Variants in ESR1 observed in about 807,000 individuals in gnomAD.
ESR1 encodes estrogen receptor 1, also known as estrogen receptor.
Under a neutral mutation model 52.7 loss-of-function variants are expected in ESR1, and 12 were observed. The observed-to-expected ratio is 0.23, with a 90% CI of 0.15 to 0.37. The LOEUF (loss-of-function observed/expected upper bound fraction) is 0.37. ESR1 is among the 10% of genes least tolerant of loss of function. ESR1 has a pLI of 1.00. For synonymous variants in ESR1, 305 were observed against 316.8 expected, an observed-to-expected ratio of 0.96 and a Z score of 0.39; for missense variants, 584 against 779.7, an observed-to-expected ratio of 0.75 and a Z score of 2.99.
At chr6:152,113,374 TGGGGCGG>T (rs1260896335) in intron 6 of ESR1, among the ~76,000 whole-genome samples, 2 of 152,142 alleles carry the variant, frequency 1.3e-5, no homozygotes, top group African/African-American at 4.8e-5. Context: ...GTCCTCTGCA[TGGGGCGG>T]GGGGCACCTG....
intron 3 of ESR1, among the ~76,000 whole-genome samples, chr6:151,914,411 G>T (rs1170077093): frequency 2.6e-5 from 4 of 152,184 alleles, no homozygotes; most frequent in Non-Finnish European, 5.9e-5. Flanking sequence ...CACATAATGT[G>T]AGAGAATTTT....
intron 3 of ESR1, among the ~76,000 whole-genome samples, chr6:151,936,393 AT>A (rs1416470709): frequency 6.6e-6 from 1 of 152,210 alleles, no homozygotes; most frequent in East Asian, 1.9e-4. Flanking sequence ...CCACCCTCTA[AT>A]TTTTCTCAGT....
chr6:151,984,377 A>C (rs1361255660), intron 4 of ESR1, among the ~76,000 whole-genome samples: 1 of 152,146 alleles, frequency 6.6e-6, no homozygotes, highest in Non-Finnish European at 1.5e-5. Flanking sequence ...AAACGCAACT[A>C]TGAGGAAATA....
chr6:151,782,586 A>T (rs9479116), intron 2 of ESR1, among the ~76,000 whole-genome samples: 2,404 of 152,272 alleles, frequency 0.016, 61 homozygotes, highest in African/African-American at 0.055. Flanking sequence ...TATTCTTGAT[A>T]CATACTTCCA....
chr6:151,846,404 A>G (rs1249619352), intron 2 of ESR1, among the ~76,000 whole-genome samples: 1 of 152,218 alleles, frequency 6.6e-6, no homozygotes, highest in Non-Finnish European at 1.5e-5. Context: ...TTCTCATCAT[A>G]GTCTTGATAA....
At chr6:152,065,737 C>T (rs1258671137) in intron 6 of ESR1, among the ~76,000 whole-genome samples, 2 of 152,142 alleles carry the variant, frequency 1.3e-5, no homozygotes, top group Non-Finnish European at 2.9e-5. Context: ...ACCCGGATGC[C>T]TTCTGTGTGC....
At chr6:151,667,731 T>G (rs1274449334) in intron 1 of ESR1, among the ~76,000 whole-genome samples, 1 of 152,172 alleles carries the variant, frequency 6.6e-6, no homozygotes, top group Non-Finnish European at 1.5e-5. Context: ...ACAAAGCATT[T>G]CTATGGAAAG....
intron 6 of ESR1, among the ~76,000 whole-genome samples, chr6:152,109,749 C>A (rs527499076): frequency 6.6e-6 from 1 of 152,258 alleles, no homozygotes; most frequent in African/African-American, 2.4e-5. Context: ...AAGAGCAGAG[C>A]TGAGACCAGA....
Position 152,034,034 on chromosome 6 carries a change from C to T in ESR1, c.1235+22240C>T, listed in dbSNP as rs553887115. ...GAAACCATCATTGTGAGCGAACTAT[C>T]ACAAGGACAAAAAACCAAACACCAC... On this transcript the variant is annotated intron_variant, in intron 5 of 7. Transcript: ENST00000206249. Among the ~76,000 whole-genome samples, 6 of 151,568 alleles carry T rather than the reference C, an allele frequency of 4.0e-5. No homozygotes were observed. The South Asian group carries it at 1.0e-3, about 26-fold the overall frequency.
intron 4 of ESR1, among the ~76,000 whole-genome samples, chr6:151,952,582 T>C (rs932791487): frequency 6.6e-6 from 1 of 152,234 alleles, no homozygotes; most frequent in African/African-American, 2.4e-5. Flanking sequence ...GAATTGAGTT[T>C]GCTGTCACAG....
intron 4 of ESR1, among the ~76,000 whole-genome samples, chr6:152,004,554 T>C (rs1469037635): frequency 6.6e-6 from 1 of 151,976 alleles, no homozygotes. Context: ...TTATCCTCTA[T>C]TTAGATAAAA....
chr6:152,121,499 G>A (rs528939425), intron 6 of ESR1, among the ~76,000 whole-genome samples: 1 of 152,138 alleles, frequency 6.6e-6, no homozygotes, highest in African/African-American at 2.4e-5. Context: ...AGAAAAAAAG[G>A]AATCACCTGG....
intron 2 of ESR1, among the ~76,000 whole-genome samples, chr6:151,850,092 A>ATATATATAAAAAATTATATATATATT (rs1437004141): frequency 6.7e-5 from 1 of 14,946 alleles, no homozygotes; most frequent in African/African-American, 2.0e-4. Flanking sequence ...ATATATATAT[A>ATATATATAAAAAATTATATATATATT]ATTTTATATA....
chr6:151,716,203 G>A (rs1210660867), intron 2 of ESR1, among the ~76,000 whole-genome samples: 10 of 152,174 alleles, frequency 6.6e-5, no homozygotes. Context: ...TCCTCTGGAA[G>A]CTTTGTCCCA....
At chr6:151,935,261 A>G (rs2034219435) in intron 3 of ESR1, among the ~76,000 whole-genome samples, 2 of 152,332 alleles carry the variant, frequency 1.3e-5, no homozygotes, top group Admixed American at 1.3e-4. Context: ...ACTGGTTCTC[A>G]CTTCAGCAGA....
intron 3 of ESR1, among the ~76,000 whole-genome samples, chr6:151,882,617 T>C (rs1583921937): frequency 1.3e-5 from 2 of 152,272 alleles, no homozygotes; most frequent in Admixed American, 1.3e-4. Context: ...ATATTCTTCT[T>C]TGGCGATTAT....
chr6:151,774,469 A>T (rs769995520), intron 2 of ESR1, among the ~76,000 whole-genome samples: 1 of 152,232 alleles, frequency 6.6e-6, no homozygotes, highest in Non-Finnish European at 1.5e-5. Context: ...GGGACTCATT[A>T]GTCATGGATG....
intron 4 of ESR1, among the ~76,000 whole-genome samples, chr6:151,946,701 G>C (rs558940597): frequency 6.6e-6 from 1 of 152,120 alleles, no homozygotes; most frequent in Non-Finnish European, 1.5e-5. Context: ...TTATATGTAT[G>C]TGTGTTTGTG....
At chr6:151,963,703 T>A (rs1471497202) in intron 4 of ESR1, among the ~76,000 whole-genome samples, 1 of 152,250 alleles carries the variant, frequency 6.6e-6, no homozygotes, top group African/African-American at 2.4e-5. Context: ...AAACTAATTT[T>A]GCTTTTGTTG....
Sources: gnomAD v4.1 joint callset for allele counts (sites outside exome capture counted in the v4.1 genomes callset) on GRCh38, gnomAD v4.1.1 for gene constraint, MANE v1.5 for transcripts, NCBI Gene and HGNC (gene_info 2026-07-23, HGNC 2026-07-21) for gene names.